Variants in TNR observed in about 807,000 individuals in gnomAD.
The protein encoded by TNR is tenascin R.
Under a neutral mutation model 150.4 loss-of-function variants are expected in TNR, and 45 were observed. The observed-to-expected ratio is 0.30, with a 90% CI of 0.24 to 0.38. The LOEUF is 0.38. TNR is among the 10% of genes least tolerant of loss of function. The pLI is 1.00. For missense variants in TNR, 1,544 were observed against 1,759.1 expected, an observed-to-expected ratio of 0.88 and a Z score of 2.19; for synonymous variants, 687 against 678.4, an observed-to-expected ratio of 1.01 and a Z score of -0.20.
intron 1 of TNR, among the ~76,000 whole-genome samples, chr1:175,670,209 C>T (rs1571734856): frequency 6.6e-6 from 1 of 152,188 alleles, no homozygotes; most frequent in East Asian, 1.9e-4. Flanking sequence ...TTTCCTATGT[C>T]CAGGGGCACG....
intron 2 of TNR, among the ~76,000 whole-genome samples, chr1:175,425,465 C>T (rs1434049708): frequency 6.6e-6 from 1 of 152,172 alleles, no homozygotes; most frequent in South Asian, 2.1e-4. Context: ...ATAGTGTTTT[C>T]TGAGGTGCCA....
intron 4 of TNR, among the ~76,000 whole-genome samples, chr1:175,398,517 G>C (rs896414739): frequency 3.3e-5 from 5 of 152,072 alleles, no homozygotes; most frequent in African/African-American, 1.2e-4. Flanking sequence ...ATGACTCCTA[G>C]GCCATGAGAA....
At chr1:175,495,429 G>C (rs1040745072) in intron 2 of TNR, among the ~76,000 whole-genome samples, 1 of 152,158 alleles carries the variant, frequency 6.6e-6, no homozygotes, top group Non-Finnish European at 1.5e-5. Context: ...GTTGTTCTTA[G>C]GACACAAAGA....
chr1:175,607,802 T>C (rs74558530), intron 1 of TNR, among the ~76,000 whole-genome samples: 1 of 152,340 alleles, frequency 6.6e-6, no homozygotes, highest in East Asian at 1.9e-4. Flanking sequence ...ACTTATTCAG[T>C]CTCTTTGCAT....
intron 2 of TNR, among the ~76,000 whole-genome samples, chr1:175,411,037 C>T (rs560366881): frequency 6.6e-6 from 1 of 152,288 alleles, no homozygotes; most frequent in Admixed American, 6.5e-5. Flanking sequence ...TGTGCAAGAG[C>T]ATGGCTTGTT....
intron 1 of TNR, among the ~76,000 whole-genome samples, chr1:175,680,168 G>T (rs192803796): frequency 9.8e-5 from 15 of 152,304 alleles, no homozygotes; most frequent in Admixed American, 6.5e-4. Context: ...CCAAGAGATC[G>T]CGATGTCTCT....
intron 2 of TNR, among the ~76,000 whole-genome samples, chr1:175,432,001 C>A (rs556744105): frequency 5.5e-5 from 8 of 146,164 alleles, no homozygotes; most frequent in Non-Finnish European, 1.1e-4. Flanking sequence ...AGGCTTGAGA[C>A]CTTGTTTCCC....
At chr1:175,540,510 C>G (rs1165024259) in intron 1 of TNR, among the ~76,000 whole-genome samples, 2 of 152,208 alleles carry the variant, frequency 1.3e-5, no homozygotes, top group African/African-American at 4.8e-5. Context: ...GCTCTCAGCT[C>G]TGTTGCTGTG....
rs1336929210 is a variant in TNR, at chr1:175,318,310, A to G, written c.*5047T>C. 6.6e-6 allele frequency: 1 copy of G among 152,242 alleles called. No homozygotes were observed. The highest frequency in any genetic ancestry group is 1.5e-5 in the Non-Finnish European group (1 of 68,050). 9.4% of individuals were successfully genotyped at this position (152,242 alleles called of 1,614,324 possible). On this transcript the variant is annotated 3_prime_UTR_variant, in exon 23 of 23. Coordinates refer to ENST00000367674, the MANE Select transcript of TNR (RefSeq NM_003285.3). ...GGTAGAAGGCTTGTTTTGAATCTCC[A>G]ATGATCCATCAGCTTCTTCTTAATT...
chr1:175,628,216 A>G (rs1174796711), intron 1 of TNR, among the ~76,000 whole-genome samples: 1 of 152,192 alleles, frequency 6.6e-6, no homozygotes, highest in East Asian at 1.9e-4. Context: ...ATGTGTTTTC[A>G]GGGTTTATCT....
At chr1:175,400,100 C>T (rs1377024274) in intron 4 of TNR, among the ~76,000 whole-genome samples, 1 of 152,224 alleles carries the variant, frequency 6.6e-6, no homozygotes, top group African/African-American at 2.4e-5. Context: ...CCAGCCCCAG[C>T]ACTAACCACC....
At chr1:175,352,606 A>G (rs1651107356) in intron 18 of TNR, among the ~76,000 whole-genome samples, 1 of 152,168 alleles carries the variant, frequency 6.6e-6, no homozygotes, top group Non-Finnish European at 1.5e-5. Context: ...GGGGGAGCAT[A>G]ATTGACTCCA....
chr1:175,415,932 G>A (rs762373308), intron 2 of TNR, among the ~76,000 whole-genome samples: 19 of 152,218 alleles, frequency 1.2e-4, no homozygotes, highest in East Asian at 1.9e-4. Flanking sequence ...ACTGCTGGGG[G>A]TGGGGGCGCC....
At chr1:175,326,645 C>T (rs1649412185) in intron 21 of TNR, among the ~76,000 whole-genome samples, 1 of 152,066 alleles carries the variant, frequency 6.6e-6, no homozygotes, top group South Asian at 2.1e-4. Flanking sequence ...AAACATATTG[C>T]TTACTTTTTC....
intron 2 of TNR, among the ~76,000 whole-genome samples, chr1:175,522,893 TA>T (rs968443669): frequency 1.6e-4 from 25 of 152,336 alleles, no homozygotes; most frequent in African/African-American, 5.8e-4. Context: ...TACCAATGGA[TA>T]ATTTTATAAA....
chr1:175,411,231 G>A (rs1654195866), intron 2 of TNR, among the ~76,000 whole-genome samples: 1 of 152,138 alleles, frequency 6.6e-6, no homozygotes, highest in African/African-American at 2.4e-5. Context: ...CCTGGTCACT[G>A]GAAGTGTTCA....
chr1:175,610,603 C>T (rs1663560961), intron 1 of TNR, among the ~76,000 whole-genome samples: 1 of 152,206 alleles, frequency 6.6e-6, no homozygotes, highest in Non-Finnish European at 1.5e-5. Context: ...TTCACCCCAT[C>T]TCCCCACACC....
At chr1:175,511,158 C>T (rs1019739689) in intron 2 of TNR, among the ~76,000 whole-genome samples, 8 of 152,180 alleles carry the variant, frequency 5.3e-5, no homozygotes, top group Non-Finnish European at 7.3e-5. Flanking sequence ...TCTGTTTCTT[C>T]ACAAGCAAGC....
intron 1 of TNR, among the ~76,000 whole-genome samples, chr1:175,735,085 C>T (rs1667736947): frequency 1.3e-5 from 2 of 152,212 alleles, no homozygotes; most frequent in African/African-American, 2.4e-5. Context: ...ACTGGGTCAC[C>T]GTGAGGAGAC....
Sources: gnomAD v4.1 joint callset for allele counts (sites outside exome capture counted in the v4.1 genomes callset) on GRCh38, gnomAD v4.1.1 for gene constraint, MANE v1.5 for transcripts, NCBI Gene and HGNC (gene_info 2026-07-23, HGNC 2026-07-21) for gene names.